The following NAPSA variants were observed in gnomAD, a reference collection of about 807,000 sequenced individuals.
NAPSA encodes napsin-A.
A neutral mutation model predicts 36.7 loss-of-function variants in NAPSA; 37 were observed. The ratio of observed to expected loss-of-function variants is 1.01; its 90% CI spans 0.78 to 1.33. NAPSA has a LOEUF of 1.33. Ranked by LOEUF, NAPSA falls within the 40% of genes most tolerant of loss-of-function variation. The pLI is 0.00. For synonymous variants in NAPSA, 222 were observed against 234.5 expected (o/e 0.95, Z 0.49); for missense variants, 532 against 543.8 (o/e 0.98, Z 0.21).
chr19:50,366,448 G>C (rs1041779526), upstream of NAPSA, among the ~76,000 whole-genome samples: 6 of 152,052 alleles, frequency 3.9e-5, no homozygotes, highest in African/African-American at 1.2e-4. Flanking sequence ...GATGGAATCT[G>C]AATTCCTTCT....
At chr19:50,359,238 C>A in intron 7 of NAPSA, 129 bp from the exon 8 acceptor site, 1 of 903,350 alleles carries the variant, frequency 1.1e-6, no homozygotes, top group Non-Finnish European at 1.7e-6. Context: ...TGTGCAGAGG[C>A]CCTGCCGCCT....
rs755890902 is a variant in NAPSA, at chr19:50,361,120, T to G, written c.489A>C (p.Ala163=). 1 of 1,613,918 alleles carries G rather than the reference T, an allele frequency of 6.2e-7. No individual in the cohort carries two copies. The highest frequency in any genetic ancestry group is 8.5e-7 in the Non-Finnish European group (1 of 1,179,998). The change falls in exon 5 of 9, where the codon GCA becomes GCC. Residue 163 remains alanine (A), a synonymous_variant. Coordinates refer to ENST00000253719, the MANE Select transcript of NAPSA (RefSeq NM_004851.3). ...DKLTIGGIKG[A]SVIFGEALWE... ...AGAGAGCCTCCCCGAAAATCACTGA[T>G]GCACCCTTGATTCCACCAATCTAGG...
intron 1 of NAPSA, among the ~76,000 whole-genome samples, chr19:50,364,506 T>C (rs2037517804): frequency 6.9e-6 from 1 of 144,964 alleles, no homozygotes; most frequent in Admixed American, 7.0e-5. Context: ...TCCCAGCTGC[T>C]TGGGAGGCTG....
chr19:50,367,259 A>C (rs1397566298), upstream of NAPSA, among the ~76,000 whole-genome samples: 1 of 152,206 alleles, frequency 6.6e-6, no homozygotes, highest in Non-Finnish European at 1.5e-5. Flanking sequence ...ATGAGCCACC[A>C]TGCCTGGCCA....
rs368075122 is a variant in NAPSA, at chr19:50,359,659, G to C, written c.792-12C>G. The C allele has an allele frequency of 1.3e-5, 21 of 1,614,114 alleles. No homozygotes were observed. The highest frequency in any genetic ancestry group is 1.6e-5 in the Non-Finnish European group (19 of 1,180,050). On this transcript the variant is annotated splice_polypyrimidine_tract_variant and intron_variant, in intron 6 of 8. Coordinates refer to ENST00000253719, the MANE Select transcript of NAPSA (RefSeq NM_004851.3). ...GGCCCACCTTCACACTGAGGGGGAA[G>C]GAGGCAGTCATCAGAGGCAGGGTCC...
At chr19:50,361,507 C>T in intron 4 of NAPSA, 156 bp downstream of exon 4, 1 of 691,192 alleles carries the variant, frequency 1.4e-6, no homozygotes. Flanking sequence ...TGTGACGCAC[C>T]ATCCCTTCAC....
intron 7 of NAPSA, 127 bp downstream of exon 7, chr19:50,359,376 C>T (rs1221082374): frequency 3.9e-6 from 5 of 1,280,576 alleles, no homozygotes; most frequent in Admixed American, 4.2e-5. Flanking sequence ...CTATCTGTCA[C>T]GAAGTCCAGT....
chr19:50,361,730 C>G lies in NAPSA; in HGVS notation c.401G>C (p.Gly134Ala). The change falls in exon 4 of 9, where the codon GGG becomes GCG. Residue 134 changes from glycine to alanine, a missense_variant. Coordinates refer to ENST00000253719, the MANE Select transcript of NAPSA (RefSeq NM_004851.3). ...PKASSSFQAN[G>A]TKFAIQYGTG... is the part of the protein sequence containing the mutation. ...TCCATATTGAATGGCAAACTTGGTC[C>G]CATTGGCCTGGAAGGAGCTAGAGGC... 1 of 1,614,090 alleles carries G rather than the reference C, an allele frequency of 6.2e-7. No homozygotes were observed. The highest frequency in any genetic ancestry group is 8.5e-7 in the Non-Finnish European group (1 of 1,180,040).
chr19:50,364,536 A>AC (rs1453067768), intron 1 of NAPSA, among the ~76,000 whole-genome samples: 1 of 127,732 alleles, frequency 7.8e-6, no homozygotes, highest in Admixed American at 8.6e-5. Context: ...AATGATGTGA[A>AC]CCCGGGGGAC....
At chr19:50,367,639 C>T (rs1199967618), upstream of NAPSA, among the ~76,000 whole-genome samples, 1 of 152,050 alleles carries the variant, frequency 6.6e-6, no homozygotes, top group Non-Finnish European at 1.5e-5. Flanking sequence ...GTGACACAAA[C>T]ACCCCATGCC....
At chr19:50,359,937 T>G in intron 5 of NAPSA, 75 bp from the exon 6 acceptor site, 1 of 1,546,598 alleles carries the variant, frequency 6.5e-7, no homozygotes, top group South Asian at 1.2e-5. Context: ...TTGCCAGGAA[T>G]GGCACTTCCC....
rs1310803448 is a variant in NAPSA, at chr19:50,365,214, A to T, written c.83+325T>A. ...CTGAGCATGGTGGCGCGAGCCTGTA[A>T]TCCCAGCTACTTGGGAAGCTGAGGC... On this transcript the variant is annotated intron_variant, in intron 1 of 8. Coordinates refer to ENST00000253719, the MANE Select transcript of NAPSA (RefSeq NM_004851.3). Among the ~76,000 whole-genome samples the T allele has an allele frequency of 4.9e-5, 7 of 141,910 alleles. No individual in the cohort carries two copies. In the Admixed American group the frequency reaches 4.9e-4, roughly 10 times the overall value. The allele number at this position is 141,910 out of a possible 152,430, so 93.1% of individuals were successfully genotyped here.
In NAPSA at chr19:50,358,542, T is replaced by C. The variant is rs569162975; in HGVS notation, c.*11A>G. 5 of 1,573,580 alleles carry C rather than the reference T, an allele frequency of 3.2e-6. No individual in the cohort carries two copies. Among genetic ancestry groups the C allele is most frequent in the Non-Finnish European group, 4.3e-6 (5 of 1,159,978 alleles). On this transcript the variant is annotated 3_prime_UTR_variant, in exon 9 of 9. Coordinates refer to ENST00000253719, the MANE Select transcript of NAPSA (RefSeq NM_004851.3). ...CGCGACCACCCGCTGCGCATGCGCT[T>C]CACTTGGGCGTCACCCGGGGAACTG...
intron 1 of NAPSA, 175 bp from the exon 2 acceptor site, chr19:50,362,488 GA>G (rs1187614267): frequency 1.9e-6 from 1 of 540,344 alleles, no homozygotes; most frequent in Non-Finnish European, 3.2e-6. Flanking sequence ...ATGCCATGAT[GA>G]CAAATATCCC....
At chr19:50,362,389 T>A in intron 1 of NAPSA, 76 bp from the exon 2 acceptor site, 1 of 1,393,620 alleles carries the variant, frequency 7.2e-7, no homozygotes, top group Non-Finnish European at 9.7e-7. Context: ...AAATAGGATA[T>A]GATGACAAAT....
chr19:50,364,480 T>A (rs375201506), intron 1 of NAPSA, among the ~76,000 whole-genome samples: 1 of 149,870 alleles, frequency 6.7e-6, no homozygotes, highest in African/African-American at 2.5e-5. Context: ...CCGGGCGTGG[T>A]GGCGGGTGCC....
chr19:50,362,435 C>G, intron 1 of NAPSA, 122 bp from the exon 2 acceptor site: 1 of 827,832 alleles, frequency 1.2e-6, no homozygotes, highest in Non-Finnish European at 1.8e-6. Context: ...GTAGTCAGTA[C>G]CAGAAACCCT....
upstream of NAPSA, among the ~76,000 whole-genome samples, chr19:50,368,857 T>TA (rs2037581437): frequency 6.6e-6 from 1 of 152,208 alleles, no homozygotes; most frequent in Admixed American, 6.5e-5. Context: ...GCTTCCGCCC[T>TA]AGCAGTTCCC....
intron 1 of NAPSA, chr19:50,362,585 T>G (rs1415709275): frequency 3.5e-6 from 1 of 289,232 alleles, no homozygotes; most frequent in African/African-American, 2.2e-5. Context: ...GGAATTGACA[T>G]TCTTAAAGAT....
Sources: allele counts gnomAD v4.1 joint callset (sites outside exome capture counted in the v4.1 genomes callset), GRCh38; gene constraint gnomAD v4.1.1; transcripts MANE v1.5; gene names NCBI Gene and HGNC (gene_info 2026-07-23, HGNC 2026-07-21).